The following TRIP11 variants were observed in gnomAD, a reference collection of about 807,000 sequenced individuals.
TRIP11 encodes the protein thyroid hormone receptor interactor 11, also known as thyroid receptor-interacting protein 11.
Under a neutral mutation model 223.1 loss-of-function variants are expected in TRIP11, and 148 were observed. The observed-to-expected ratio is 0.66, with a 90% confidence interval of 0.58 to 0.76. The LOEUF (loss-of-function observed/expected upper bound fraction) is 0.76. Among genes scored for constraint, TRIP11 ranks in the 30% least tolerant of loss-of-function variants. The pLI, the probability that TRIP11 is intolerant of heterozygous loss-of-function variation, is 0.00. For missense variants in TRIP11, 2,043 were observed against 2,222.0 expected (o/e 0.92, Z 1.62); for synonymous variants, 762 against 772.6 (o/e 0.99, Z 0.23).
chr14:91,967,820 T>C lies in TRIP11; in HGVS notation c.*1853A>G, dbSNP rs2056355492. The C allele has an allele frequency of 5.1e-6, 1 of 197,380 alleles. No homozygotes were observed. The highest frequency in any genetic ancestry group is 1.0e-5 in the Non-Finnish European group (1 of 95,350). 12.2% of individuals were successfully genotyped at this position (197,380 alleles called of 1,614,324 possible). The stretch of plus-strand genomic sequence containing the variant: ...GCAGCAAATAATGTAGGATAGTCAG[T>C]GAAAGTATCTTTGTTAGGAGCATAT... On this transcript the variant is annotated 3_prime_UTR_variant, in exon 21 of 21. Coordinates refer to ENST00000267622, the MANE Select transcript of TRIP11 (RefSeq NM_004239.4).
rs2056802420 is a variant in TRIP11 at position 92,000,026 on chromosome 14, T to G, written c.4640A>C (p.Asp1547Ala). 3 of 1,614,000 alleles carry G rather than the reference T, an allele frequency of 1.9e-6. No homozygotes were observed. The East Asian group carries it at 6.7e-5, about 36-fold the overall frequency. The change falls in exon 12 of 21, where the codon GAC becomes GCC. Residue 1547 changes from aspartate to alanine, a missense_variant. Transcript: ENST00000267622. ...EKTVVFQQER[D>A]QVMLALKQKQ... is the part of the protein sequence containing the mutation. The stretch of plus-strand genomic sequence containing the variant: ...TTGTTTCAGGGCCAACATGACTTGG[T>G]CTCTCTCCTGTTGAAACACAACTGT...
chr14:92,030,203 CAAAAAAAAAAAAAA>C (rs55828319), intron 2 of TRIP11, among the ~76,000 whole-genome samples: 1 of 67,080 alleles, frequency 1.5e-5, no homozygotes, highest in Non-Finnish European at 2.6e-5. Flanking sequence ...GACTCCGTCT[CAAAAAAAAAAAAAA>C]AAAAAAAAGA....
rs995945648 is a variant in TRIP11 at position 92,037,960 on chromosome 14, T to C, written c.139+1587A>G. On this transcript the variant is annotated intron_variant, in intron 1 of 20. Transcript: ENST00000267622. This position sits in a 1 kb window ranked among gnomAD's most constrained non-coding sequence, Gnocchi z 4.2. Reference sequence around the variant, plus strand: ...TTTTAGAAAGTAACTGACAATACAATAGAAAATGGACTGGGGTAGGGAGAA... The same window carrying C: ...TTTTAGAAAGTAACTGACAATACAACAGAAAATGGACTGGGGTAGGGAGAA... 4.6e-5 allele frequency among the ~76,000 whole-genome samples: 7 copies of C among 152,010 alleles called. No homozygotes were observed. Among genetic ancestry groups the C allele is most frequent in the African/African-American group, 1.7e-4 (7 of 41,388 alleles).
intron 7 of TRIP11, among the ~76,000 whole-genome samples, chr14:92,013,315 TA>T (rs1223148934): frequency 6.6e-6 from 1 of 152,158 alleles, no homozygotes. Flanking sequence ...TACTATTGGC[TA>T]GACACTATCC....
chr14:91,992,640 C>T (rs1199731391), intron 15 of TRIP11, among the ~76,000 whole-genome samples: 2 of 151,936 alleles, frequency 1.3e-5, no homozygotes, highest in African/African-American at 4.8e-5. Flanking sequence ...TCTCCTAGGC[C>T]GGGCATGGTG....
At chr14:92,001,376 G>GT (rs34072505) in intron 11 of TRIP11, among the ~76,000 whole-genome samples, 43,654 of 135,040 alleles carry the variant, frequency 0.32, 6,537 homozygotes, top group Middle Eastern at 0.38. Context: ...TAGTTTTTCA[G>GT]TTTTTTTTTT....
rs148828001 is a variant in TRIP11 at position 92,004,486 on chromosome 14, G to A, written c.3490C>T (p.Arg1164Cys). Reference protein sequence around the residue: ...MFRETIQNLSRIIREKDIEID... With the variant: ...MFRETIQNLSCIIREKDIEID... ...TCGATGTCTTTTTCTCGAATGATACGTGATAAATTCTGAATAGTTTCTCTA... is the reference window on the plus strand; with the variant it reads ...TCGATGTCTTTTTCTCGAATGATACATGATAAATTCTGAATAGTTTCTCTA... Residue 1164 changes from arginine to cysteine, a missense_variant, in exon 11 of 21, where the codon CGT becomes TGT. Physicochemically the swap from Arg to Cys is radical, Grantham distance 180. Transcript: ENST00000267622. 1.1e-5 allele frequency: 17 copies of A among 1,613,188 alleles called. No individual in the cohort carries two copies. The highest frequency in any genetic ancestry group is 6.7e-5 in the East Asian group (3 of 44,896).
intron 4 of TRIP11, among the ~76,000 whole-genome samples, 192 bp from the exon 5 acceptor site, chr14:92,017,942 T>C (rs1273506797): frequency 6.6e-6 from 1 of 152,182 alleles, no homozygotes; most frequent in African/African-American, 2.4e-5. Flanking sequence ...AAAGATATCA[T>C]ATTTAAGAAT....
intron 6 of TRIP11, 136 bp from the exon 7 acceptor site, chr14:92,014,713 T>A: frequency 1.1e-6 from 1 of 895,186 alleles, no homozygotes; most frequent in Non-Finnish European, 1.6e-6. Flanking sequence ...ATAAACTAAG[T>A]GTTTTAAAAT....
rs770047171 is a variant in TRIP11, at chr14:92,039,552, A to T, written c.134T>A (p.Val45Glu). 42 of 1,613,558 alleles carry T rather than the reference A, an allele frequency of 2.6e-5. No individual in the cohort carries two copies. Among genetic ancestry groups the T allele is most frequent in the Non-Finnish European group, 3.3e-5 (39 of 1,179,850 alleles). The change falls in exon 1 of 21, where the codon GTG becomes GAG. Residue 45 changes from valine (V) to glutamate (E), a missense_variant. Val to Glu is a moderately radical substitution (Grantham distance 121). Coordinates refer to ENST00000267622, the MANE Select transcript of TRIP11 (RefSeq NM_004239.4). ...TCCCTCGCTCCAGCTGTTACCTTCC[A>T]CTTCCTCCGTGCCCTCCATCAGCAT... ...KDMLMEGTEEVEAELPDSRTK... is the reference protein window; with the variant it reads ...KDMLMEGTEEEEAELPDSRTK...
Position 92,003,445 on chromosome 14 carries a change from C to T in TRIP11, c.4531G>A (p.Glu1511Lys), listed in dbSNP as rs568632261. ...TGTTCTTTCTCTTTCAATAGCTGTT[C>T]AAAAGCAAGAGCCTTCTCCTTCATT... ...HSMKEKALAF[E>K]QLLKEKEQGK... The change falls in exon 11 of 21, where the codon GAA (glutamate) becomes AAA (lysine). Residue 1511 changes from glutamate (E) to lysine (K), a missense_variant. Transcript: ENST00000267622. The T allele has an allele frequency of 1.2e-6, 2 of 1,613,772 alleles. No individual in the cohort carries two copies. The highest frequency in any genetic ancestry group is 1.7e-6 in the Non-Finnish European group (2 of 1,179,992).
At chr14:91,987,583 G>A (rs985332641) in intron 16 of TRIP11, among the ~76,000 whole-genome samples, 14 of 152,104 alleles carry the variant, frequency 9.2e-5, no homozygotes, top group Admixed American at 3.9e-4. Flanking sequence ...TCTAGGCTCC[G>A]TTATCACCTT....
chr14:92,021,945 A>G (rs754829634), intron 3 of TRIP11, 114 bp from the exon 4 acceptor site: 6 of 1,133,862 alleles, frequency 5.3e-6, no homozygotes, highest in Non-Finnish European at 7.7e-6. Context: ...TTATCCAATG[A>G]TGGTCCTCTA....
chr14:91,996,378 A>G (rs1265829981), intron 13 of TRIP11, among the ~76,000 whole-genome samples: 3 of 152,194 alleles, frequency 2.0e-5, no homozygotes, highest in Non-Finnish European at 4.4e-5. Context: ...AAGAAAAGTC[A>G]GCAAAATAAA....
Position 92,004,378 on chromosome 14 carries a change from T to C in TRIP11, c.3598A>G (p.Asn1200Asp). 1 of 1,614,106 alleles carries C rather than the reference T, an allele frequency of 6.2e-7. No individual in the cohort carries two copies. The highest frequency in any genetic ancestry group is 1.1e-5 in the South Asian group (1 of 91,080). The change falls in exon 11 of 21, where the codon AAT (asparagine) becomes GAT (aspartate). Residue 1200 changes from asparagine to aspartate, a missense_variant. Asn to Asp is a conservative substitution (Grantham distance 23, BLOSUM62 1). Transcript: ENST00000267622. ...AGAAGCTCCTCAAATTGATTACTAT[T>C]AACACCTCCAGCCTCATTACCAGTG... The part of the protein sequence containing the change: ...SSTGNEAGGV[N>D]SNQFEELLQE...
At chr14:92,021,069 CAAAAAAA>C (rs1195189927) in intron 4 of TRIP11, among the ~76,000 whole-genome samples, 1 of 65,350 alleles carries the variant, frequency 1.5e-5, no homozygotes, top group African/African-American at 5.1e-5. Flanking sequence ...GACTCTGTCT[CAAAAAAA>C]AAAAAAAAAA....
Position 92,004,974 on chromosome 14 carries a change from C to T in TRIP11, c.3002G>A (p.Ser1001Asn). The change falls in exon 11 of 21, where the codon AGC (serine) becomes AAC (asparagine). Residue 1001 changes from serine to asparagine, a missense_variant. Physicochemically the swap from Ser to Asn is conservative, Grantham distance 46. Transcript: ENST00000267622. Reference sequence around the variant, plus strand: ...TTCACTTCCATTTTCTATATTAAGGCTCTGAACTTTTGTTTCTTGAAAAAT... The same window carrying T: ...TTCACTTCCATTTTCTATATTAAGGTTCTGAACTTTTGTTTCTTGAAAAAT... ...SDIFQETKVQ[S>N]LNIENGSEKH... The T allele has an allele frequency of 5.6e-6, 9 of 1,613,746 alleles. No homozygotes were observed. Among genetic ancestry groups the T allele is most frequent in the South Asian group, 1.1e-5 (1 of 91,028 alleles).
In TRIP11 at chr14:92,005,218, C is replaced by T. The variant is rs1194229886; in HGVS notation, c.2758G>A (p.Glu920Lys). The stretch of plus-strand genomic sequence containing the variant: ...TGCATCTTACTCTGGTTTTGATCTT[C>T]AATTATCTTTTGATGATGTTTAATT... ...EEIKHHQKII[E>K]DQNQSKMQLL... The change falls in exon 11 of 21, where the codon GAA becomes AAA. Residue 920 changes from glutamate to lysine, a missense_variant. Physicochemically the swap from Glu to Lys is moderately conservative, Grantham distance 56 (BLOSUM62 1). Coordinates refer to ENST00000267622, the MANE Select transcript of TRIP11 (RefSeq NM_004239.4). The T allele has an allele frequency of 6.2e-7, 1 of 1,614,024 alleles. No individual in the cohort carries two copies. Among genetic ancestry groups the T allele is most frequent in the Non-Finnish European group, 8.5e-7 (1 of 1,180,040 alleles).
intron 2 of TRIP11, chr14:92,030,583 C>A (rs368401940): frequency 6.6e-5 from 10 of 152,188 alleles, no homozygotes; most frequent in Admixed American, 5.2e-4. Context: ...GACAGGGTTT[C>A]TCCATGTTGG....
Sources: gnomAD v4.1 joint callset for allele counts (sites outside exome capture counted in the v4.1 genomes callset) on GRCh38, gnomAD v4.1.1 for gene constraint, Gnocchi (gnomAD v3.1) non-coding constraint, MANE v1.5 for transcripts, NCBI Gene and HGNC (gene_info 2026-07-23, HGNC 2026-07-21) for gene names.